Variants in NAV1 observed in about 807,000 individuals in gnomAD.
The protein encoded by NAV1 is neuron navigator 1, also known as pore membrane and/or filament interacting like protein 3.
NAV1 carries 18 observed loss-of-function variants against 175.2 expected under a neutral mutation model. The observed-to-expected ratio is 0.10, with a 90% confidence interval of 0.07 to 0.15. The LOEUF is 0.15. Ranked by LOEUF, NAV1 falls within the 10% of genes least tolerant of loss-of-function variation. The pLI, the probability that NAV1 is intolerant of heterozygous loss-of-function variation, is 1.00. For missense variants in NAV1, 1,731 were observed against 2,436.6 expected (o/e 0.71, Z 6.10); for synonymous variants, 897 against 978.7 (o/e 0.92, Z 1.56).
rs1363965950 is a variant in NAV1 at position 201,740,527 on chromosome 1, T to C, written c.1226+21772T>C. On this transcript the variant is annotated intron_variant, in intron 3 of 29. Coordinates refer to ENST00000367296, the Ensembl canonical transcript of NAV1. This position sits in a 1 kb window ranked among gnomAD's most constrained non-coding sequence, Gnocchi z 4.7. ...GGGGCTTGCAGCCCCAGGTCGGCCC[T>C]GCCAAGGTCACCCTAGTTCCGGAAG... 6.6e-6 allele frequency among the ~76,000 whole-genome samples: 1 copy of C among 151,848 alleles called. No individual in the cohort carries two copies. Among genetic ancestry groups the C allele is most frequent in the Non-Finnish European group, 1.5e-5 (1 of 67,938 alleles).
intron 2 of NAV1, among the ~76,000 whole-genome samples, chr1:201,636,353 A>T (rs1668618793): frequency 6.6e-6 from 1 of 152,170 alleles, no homozygotes; most frequent in Admixed American, 6.5e-5. Flanking sequence ...TTCCCTCCCC[A>T]CTATAAGGCT....
chr1:201,543,280 C>T (rs1381492995), intron 1 of NAV1, among the ~76,000 whole-genome samples: 2 of 151,942 alleles, frequency 1.3e-5, no homozygotes, highest in Admixed American at 6.6e-5. Context: ...CATAAATGTC[C>T]TTTGTGTTGA....
Position 201,718,606 on chromosome 1 carries a change from C to T in NAV1, c.1077C>T (p.Pro359=). 6.2e-7 allele frequency: 1 copy of T among 1,614,184 alleles called. No individual in the cohort carries two copies. The highest frequency in any genetic ancestry group is 1.1e-5 in the South Asian group (1 of 91,088). ...GGGCCCACTACTCCCACACCATGCC[C>T]ATGCGCAGCCCCAGCAAGCTCAGCC... Residue 359 remains proline, a synonymous_variant, in exon 3 of 30, where the codon CCC becomes CCT. Transcript: ENST00000367296. This position sits in a 1 kb window ranked among gnomAD's most constrained non-coding sequence, Gnocchi z 4.8.
intron 1 of NAV1, among the ~76,000 whole-genome samples, chr1:201,676,826 T>C (rs796666832): frequency 3.3e-5 from 5 of 152,286 alleles, no homozygotes; most frequent in African/African-American, 1.2e-4. Flanking sequence ...GGAATCTGTG[T>C]GTAATAGATC....
chr1:201,572,791 T>C (rs877925), intron 1 of NAV1, among the ~76,000 whole-genome samples: 37,818 of 152,142 alleles, frequency 0.25, 5,242 homozygotes, highest in African/African-American at 0.38. Flanking sequence ...TGCTCTAAAC[T>C]GTGCAGGTGT....
chr1:201,638,446 G>A (rs928662702), intron 2 of NAV1, among the ~76,000 whole-genome samples: 4 of 152,192 alleles, frequency 2.6e-5, no homozygotes, highest in African/African-American at 7.2e-5. Context: ...CAGATGTCTG[G>A]GTTACAGGAG....
rs1223515987 is a variant in NAV1 at position 201,642,561 on chromosome 1, C to CTTTCTTT, written c.5-6073_5-6072insTTTCTTT. Among the ~76,000 whole-genome samples, 228 of 92,556 alleles carry CTTTCTTT rather than the reference C, an allele frequency of 2.5e-3. 5 individuals carry two copies. Among genetic ancestry groups the CTTTCTTT allele is most frequent in the Middle Eastern group, 5.1e-3 (1 of 198 alleles). The allele number at this position is 92,556 out of a possible 152,430, so 60.7% of individuals were successfully genotyped here. On this transcript the variant is annotated intron_variant, in intron 2 of 29. Transcript: ENST00000367302. ...TCTTTCTTTCTTTCTTTCTTTTTTC[C>CTTTCTTT]CTTTCTTCCCTTCCTTCTCTTTCTT...
rs776167179 is a variant in NAV1, at chr1:201,788,550, C to A, written c.3078C>A (p.Ser1026Arg). 2 of 1,614,154 alleles carry A rather than the reference C, an allele frequency of 1.2e-6. No individual in the cohort carries two copies. Among genetic ancestry groups the A allele is most frequent in the Non-Finnish European group, 1.7e-6 (2 of 1,180,016 alleles). Residue 1026 changes from serine (S) to arginine (R), a missense_variant, in exon 10 of 30, where the codon AGC becomes AGA. By Grantham distance (110) the Ser-to-Arg change is moderately radical. Around this residue, in one of 13 missense-constraint regions of NAV1, gnomAD observed 634 missense variants for 766.8 expected, o/e 0.83. Coordinates refer to ENST00000367296, the Ensembl canonical transcript of NAV1. This position sits in a 1 kb window ranked among gnomAD's most constrained non-coding sequence, Gnocchi z 5.7. ...ACGAGGCGGCCTTCGAGCTGTACAG[C>A]GGCTCCCAAATGGGGAGCACCCTGT...
In NAV1 at chr1:201,702,676, CTCTCTCTCTCTCTCTCTCT is replaced by C. The variant is rs1671479228; in HGVS notation, c.758-10140_758-10122del. On this transcript the variant is annotated intron_variant, in intron 1 of 29. Transcript: ENST00000367296. ...GGGTGAATTTTGGTATGTGAATTCT[CTCTCTCTCTCTCTCTCTCT>C]CTCTCTCTCTCTCTCTCTCTCTCTC... Among the ~76,000 whole-genome samples the C allele has an allele frequency of 3.5e-4, 44 of 125,746 alleles. 3 individuals are homozygous for C. The highest frequency in any genetic ancestry group is 5.4e-4 in the South Asian group (2 of 3,672). 82.5% of individuals were successfully genotyped at this position (125,746 alleles called of 152,430 possible).
chr1:201,783,812 C>T (rs1483276094), exon 7 of NAV1: 7 of 1,613,868 alleles, frequency 4.3e-6, no homozygotes, highest in Non-Finnish European at 5.9e-6. Context: ...GACGGAAGAG[C>T]TGACTTGGAG....
chr1:201,628,173 T>C (rs1668388702), intron 1 of NAV1, among the ~76,000 whole-genome samples: 1 of 148,360 alleles, frequency 6.7e-6, no homozygotes, highest in Admixed American at 6.7e-5. Flanking sequence ...CAGTAGTACA[T>C]GGCGATTGTC....
Position 201,813,343 on chromosome 1 carries a change from G to A in NAV1, c.5340+85G>A. The stretch of plus-strand genomic sequence containing the variant: ...GAATGTTTCTTTAATGTTAGGCATG[G>A]GACTACTAGGATTAGTTAGGTTCTC... On this transcript the variant is annotated intron_variant, in intron 28 of 29. Coordinates refer to ENST00000367296, the Ensembl canonical transcript of NAV1. This position sits in a 1 kb window ranked among gnomAD's most constrained non-coding sequence, Gnocchi z 4.2. 2.3e-6 allele frequency: 2 copies of A among 876,152 alleles called. No individual in the cohort carries two copies. Among genetic ancestry groups the A allele is most frequent in the East Asian group, 2.5e-5 (1 of 40,572 alleles). 54.3% of individuals were successfully genotyped at this position (876,152 alleles called of 1,614,324 possible).
intron 3 of NAV1, chr1:201,723,519 C>T (rs998270256): frequency 6.6e-6 from 1 of 152,188 alleles, no homozygotes; most frequent in Non-Finnish European, 1.5e-5. Context: ...AAATCTAACG[C>T]CATGCAGCTT....
At chr1:201,552,543 C>T (rs1252664292) in intron 1 of NAV1, among the ~76,000 whole-genome samples, 3 of 152,218 alleles carry the variant, frequency 2.0e-5, no homozygotes, top group East Asian at 1.9e-4. Context: ...TGGAGTCAGC[C>T]TGACCCGGGT....
chr1:201,678,847 TC>T (rs1171008829), intron 1 of NAV1, among the ~76,000 whole-genome samples: 5 of 151,796 alleles, frequency 3.3e-5, no homozygotes, highest in Non-Finnish European at 7.4e-5. Context: ...AGAGAAAAAG[TC>T]GAAGGAGGAA....
At chr1:201,649,314 C>T in exon 1 of NAV1, 1 of 1,612,734 alleles carries the variant, frequency 6.2e-7, no homozygotes, top group South Asian at 1.1e-5. Context: ...GAGCTCTGGG[C>T]CTGTCCCCTC....
At chr1:201,724,751 GCT>G (rs963645478) in intron 3 of NAV1, 1 of 152,648 alleles carries the variant, frequency 6.6e-6, no homozygotes, top group Admixed American at 6.5e-5. Context: ...CCACACCCTG[GCT>G]CTCTCATCAG....
intron 1 of NAV1, among the ~76,000 whole-genome samples, chr1:201,697,147 C>T (rs532052372): frequency 2.2e-4 from 34 of 152,240 alleles, no homozygotes; most frequent in Admixed American, 2.0e-3. Context: ...GAGGGAGTTC[C>T]GGGGCCTTAG....
At chr1:201,578,513 G>A (rs1248618805) in intron 1 of NAV1, among the ~76,000 whole-genome samples, 1 of 152,144 alleles carries the variant, frequency 6.6e-6, no homozygotes, top group Non-Finnish European at 1.5e-5. Flanking sequence ...AAGCAGGAAG[G>A]GTGCCTTATT....
Sources: allele counts gnomAD v4.1 joint callset (sites outside exome capture counted in the v4.1 genomes callset), GRCh38; gene constraint gnomAD v4.1.1; regional missense constraint gnomAD v4.1.1; non-coding constraint Gnocchi (gnomAD v3.1); transcripts MANE v1.5; gene names NCBI Gene and HGNC (gene_info 2026-07-23, HGNC 2026-07-21).